The following CTNNA2 variants were observed in gnomAD, a reference collection of about 807,000 sequenced individuals.
CTNNA2 encodes catenin alpha-2.
In CTNNA2, 42 loss-of-function variants were observed where a neutral mutation model predicts 101.0. That is an observed-to-expected ratio of 0.42 (90% CI 0.32 to 0.54). The LOEUF (loss-of-function observed/expected upper bound fraction) is 0.54. Ranked by LOEUF, CTNNA2 falls within the 20% of genes least tolerant of loss-of-function variation. The pLI is 0.14. For synonymous variants in CTNNA2, 450 were observed against 456.4 expected, an observed-to-expected ratio of 0.99 and a Z score of 0.18; for missense variants, 871 against 1,223.1, an observed-to-expected ratio of 0.71 and a Z score of 4.29.
At chr2:79,706,485 TATGTACC>T (rs1685391139) in intron 2 of CTNNA2, among the ~76,000 whole-genome samples, 1 of 152,292 alleles carries the variant, frequency 6.6e-6, no homozygotes, top group South Asian at 2.1e-4. Flanking sequence ...GATTCCCACT[TATGTACC>T]ATAGTGCTTG....
chr2:80,260,160 G>A (rs1156308276), intron 7 of CTNNA2, among the ~76,000 whole-genome samples: 3 of 152,128 alleles, frequency 2.0e-5, no homozygotes, highest in Non-Finnish European at 2.9e-5. Flanking sequence ...GGCAAATCCA[G>A]TATTGAAATC....
At position 80,545,124 on chromosome 2, in the gene CTNNA2, T is replaced by A. The variant is rs1343587592; in HGVS notation, c.1383+50T>A. 4.5e-6 allele frequency: 7 copies of A among 1,562,986 alleles called. No homozygotes were observed. The African/African-American group carries it at 9.5e-5, about 21-fold the overall frequency. ...AAAGCCTGTCAGTGACCTTCTCCAC[T>A]CCAGCCCTTGTGCCCCTCCTTTTCC... On this transcript the variant is annotated intron_variant, in intron 10 of 18. Transcript: ENST00000402739.
chr2:79,642,248 C>G (rs540523023), intron 1 of CTNNA2, among the ~76,000 whole-genome samples: 25 of 152,116 alleles, frequency 1.6e-4, no homozygotes, highest in African/African-American at 5.8e-4. Flanking sequence ...GTGGCTTTAC[C>G]AAAAATAGAA....
At chr2:79,994,988 C>G (rs1445996149) in intron 7 of CTNNA2, among the ~76,000 whole-genome samples, 1 of 152,138 alleles carries the variant, frequency 6.6e-6, no homozygotes, top group African/African-American at 2.4e-5. Context: ...ATAATTGGAG[C>G]AGAGGGATGC....
intron 15 of CTNNA2, among the ~76,000 whole-genome samples, chr2:80,597,710 CAT>C (rs951173223): frequency 1.3e-5 from 2 of 152,142 alleles, no homozygotes; most frequent in East Asian, 1.9e-4. Flanking sequence ...GGCCAACAAA[CAT>C]AAAAAAAGCT....
At chr2:80,191,818 A>G (rs1228398294) in intron 7 of CTNNA2, among the ~76,000 whole-genome samples, 1 of 152,224 alleles carries the variant, frequency 6.6e-6, no homozygotes, top group African/African-American at 2.4e-5. Context: ...TCATCTACAA[A>G]CAGTACTTAG....
At chr2:80,438,110 T>G (rs1393168323) in intron 9 of CTNNA2, among the ~76,000 whole-genome samples, 1 of 152,228 alleles carries the variant, frequency 6.6e-6, no homozygotes, top group Non-Finnish European at 1.5e-5. Flanking sequence ...AAGACCAAAG[T>G]GTCAGCAAGT....
chr2:79,487,960 C>A (rs1162595314), intron 4 of CTNNA2, among the ~76,000 whole-genome samples: 1 of 152,102 alleles, frequency 6.6e-6, no homozygotes, highest in Non-Finnish European at 1.5e-5. Context: ...GCTTACGACA[C>A]AAAGTGTTTA....
chr2:79,754,476 C>G (rs929755472), intron 3 of CTNNA2, among the ~76,000 whole-genome samples: 9 of 152,142 alleles, frequency 5.9e-5, no homozygotes, highest in African/African-American at 2.2e-4. Flanking sequence ...TGTCACACAG[C>G]TCTGTCCCTC....
At chr2:79,932,518 G>C (rs1172137426) in intron 7 of CTNNA2, among the ~76,000 whole-genome samples, 1 of 148,942 alleles carries the variant, frequency 6.7e-6, no homozygotes, top group African/African-American at 2.5e-5. Context: ...TTTTCTTAAT[G>C]CTAGATCAAT....
chr2:79,485,046 T>C (rs1671144398), intron 4 of CTNNA2, among the ~76,000 whole-genome samples: 1 of 152,182 alleles, frequency 6.6e-6, no homozygotes, highest in Admixed American at 6.5e-5. Flanking sequence ...TAGCCATCAG[T>C]TTCTCTTTCT....
chr2:79,617,785 C>T (rs74669425), intron 1 of CTNNA2, among the ~76,000 whole-genome samples: 3,526 of 152,174 alleles, frequency 0.023, 126 homozygotes, highest in African/African-American at 0.081. Context: ...ATTTAAGATT[C>T]CCTGAGGCCA....
intron 3 of CTNNA2, among the ~76,000 whole-genome samples, chr2:79,814,335 C>T (rs1426074538): frequency 6.6e-6 from 1 of 152,036 alleles, no homozygotes; most frequent in Non-Finnish European, 1.5e-5. Flanking sequence ...GCACCCTGCA[C>T]CTATCACCCA....
At chr2:79,439,148 C>A (rs1045194952) in intron 4 of CTNNA2, among the ~76,000 whole-genome samples, 2 of 152,160 alleles carry the variant, frequency 1.3e-5, no homozygotes, top group African/African-American at 4.8e-5. Flanking sequence ...TTCACAACAA[C>A]TGAAAGGTGA....
intron 2 of CTNNA2, among the ~76,000 whole-genome samples, chr2:79,284,871 C>G (rs1442262399): frequency 7.2e-6 from 1 of 139,766 alleles, no homozygotes; most frequent in Non-Finnish European, 1.6e-5. Context: ...TAGAATTCGG[C>G]TGTGAATCCA....
chr2:79,231,964 C>T (rs571992188), intron 2 of CTNNA2, among the ~76,000 whole-genome samples: 75 of 152,168 alleles, frequency 4.9e-4, no homozygotes, highest in African/African-American at 1.7e-3. Flanking sequence ...TGGGTGGTAT[C>T]TTTGGAGTTT....
At chr2:80,557,486 T>C (rs1334745410) in intron 12 of CTNNA2, among the ~76,000 whole-genome samples, 1 of 152,202 alleles carries the variant, frequency 6.6e-6, no homozygotes, top group Non-Finnish European at 1.5e-5. Flanking sequence ...ATGTGAGATA[T>C]CTGACAGAGT....
intron 1 of CTNNA2, among the ~76,000 whole-genome samples, chr2:79,586,685 T>C (rs1385852207): frequency 6.6e-6 from 1 of 152,216 alleles, no homozygotes; most frequent in Non-Finnish European, 1.5e-5. Flanking sequence ...TAAAATTTTA[T>C]TTCAACAGTT....
chr2:80,310,663 A>G (rs565595579), intron 7 of CTNNA2, among the ~76,000 whole-genome samples: 13 of 152,316 alleles, frequency 8.5e-5, no homozygotes, highest in African/African-American at 3.1e-4. Context: ...TTTTCTTATC[A>G]CTGCCAATCT....
Sources: gnomAD v4.1 joint callset for allele counts (sites outside exome capture counted in the v4.1 genomes callset) on GRCh38, gnomAD v4.1.1 for gene constraint, MANE v1.5 for transcripts, NCBI Gene and HGNC (gene_info 2026-07-23, HGNC 2026-07-21) for gene names.